Variants in CFAP92 observed in about 807,000 individuals in gnomAD.
The protein encoded by CFAP92 is cilia and flagella associated protein 92 (putative).
CFAP92 carries 86 observed loss-of-function variants against 106.3 expected under a neutral mutation model. The observed-to-expected ratio is 0.81, with a 90% CI of 0.68 to 0.97. CFAP92 has a LOEUF of 0.97. Ranked by LOEUF, CFAP92 falls within the 50% of genes least tolerant of loss-of-function variation. The pLI, the probability that CFAP92 is intolerant of heterozygous loss-of-function variation, is 0.00. For synonymous variants in CFAP92, 477 were observed against 506.4 expected (o/e 0.94, Z 0.78); for missense variants, 1,204 against 1,283.8 (o/e 0.94, Z 0.95).
chr3:128,958,546 A>T (rs1475560720), intron 9 of CFAP92, among the ~76,000 whole-genome samples: 1 of 152,218 alleles, frequency 6.6e-6, no homozygotes, highest in Non-Finnish European at 1.5e-5. Context: ...CCGTGAATCT[A>T]TATTTTAAAG....
intron 13 of CFAP92, 98 bp from the exon 14 acceptor site, chr3:128,915,661 G>T (rs1936753767): frequency 1.3e-6 from 1 of 775,468 alleles, no homozygotes; most frequent in Non-Finnish European, 2.0e-6. Flanking sequence ...CATAATCATA[G>T]TTCCTGACAA....
the CFAP92 span, among the ~76,000 whole-genome samples, chr3:129,015,874 T>C: frequency 6.6e-6 from 1 of 151,726 alleles, no homozygotes; most frequent in Non-Finnish European, 1.5e-5. Flanking sequence ...GGAAACGCCA[T>C]GCAGCAAAGG....
intron 9 of CFAP92, among the ~76,000 whole-genome samples, chr3:128,953,082 A>C (rs568493397): frequency 6.6e-6 from 1 of 152,272 alleles, no homozygotes; most frequent in African/African-American, 2.4e-5. Flanking sequence ...CTCAAAAAGC[A>C]AAACAAAACA....
At chr3:128,947,931 G>T (rs1940393017) in intron 9 of CFAP92, among the ~76,000 whole-genome samples, 1 of 151,976 alleles carries the variant, frequency 6.6e-6, no homozygotes, top group Non-Finnish European at 1.5e-5. Context: ...TCTGACCAGG[G>T]GTTAGGCAAA....
chr3:129,016,426 T>C, the CFAP92 span, among the ~76,000 whole-genome samples: 1 of 152,010 alleles, frequency 6.6e-6, no homozygotes, highest in African/African-American at 2.4e-5. Context: ...GGCTGTGTGA[T>C]TGTGGGGGCT....
the CFAP92 span, among the ~76,000 whole-genome samples, chr3:129,025,654 G>A: frequency 3.9e-5 from 6 of 152,172 alleles, no homozygotes; most frequent in African/African-American, 1.4e-4. Context: ...GCATGTGAGT[G>A]TGATGAGGGG....
intron 4 of CFAP92, among the ~76,000 whole-genome samples, chr3:128,981,878 G>A (rs1407461494): frequency 6.6e-6 from 1 of 152,158 alleles, no homozygotes; most frequent in Non-Finnish European, 1.5e-5. Flanking sequence ...TTTTCTAAGC[G>A]GTAGGTGTCA....
intron 9 of CFAP92, among the ~76,000 whole-genome samples, chr3:128,949,999 T>A (rs1337742815): frequency 6.6e-6 from 1 of 152,204 alleles, no homozygotes; most frequent in Non-Finnish European, 1.5e-5. Context: ...GATCTATACA[T>A]AATTTTAAAT....
Position 128,978,125 on chromosome 3 carries a change from T to C in CFAP92, c.728A>G (p.Asn243Ser), listed in dbSNP as rs756241677. ...KLSEQGIENT[N>S]IVREESNQEH... ...CTGGTTCGACTCTTCTCTGACAATGTTGGTATTCTCAATGCCCTGTTCAGA... is the reference window on the plus strand; with the variant it reads ...CTGGTTCGACTCTTCTCTGACAATGCTGGTATTCTCAATGCCCTGTTCAGA... Residue 243 changes from asparagine to serine, a missense_variant, in exon 5 of 16, where the codon AAC (asparagine) becomes AGC (serine). Transcript: ENST00000645291. 6.8e-6 allele frequency: 11 copies of C among 1,613,874 alleles called. No homozygotes were observed. Among genetic ancestry groups the C allele is most frequent in the East Asian group, 6.7e-5 (3 of 44,900 alleles).
chr3:129,008,684 C>T, the CFAP92 span, among the ~76,000 whole-genome samples: 1 of 152,224 alleles, frequency 6.6e-6, no homozygotes, highest in Non-Finnish European at 1.5e-5. Flanking sequence ...CACAAAGGAG[C>T]TCCTGCTGCT....
intron 7 of CFAP92, among the ~76,000 whole-genome samples, chr3:128,972,578 G>A (rs1203912330): frequency 6.6e-6 from 1 of 151,130 alleles, no homozygotes; most frequent in Admixed American, 6.6e-5. Context: ...TGTTTCGCCC[G>A]AGTGTGGTAA....
chr3:128,985,500 G>T (rs1943795484), intron 4 of CFAP92, among the ~76,000 whole-genome samples: 1 of 152,114 alleles, frequency 6.6e-6, no homozygotes, highest in Non-Finnish European at 1.5e-5. Context: ...GGAGGCCCTA[G>T]AACACCTTTT....
rs1349503661 is a variant in CFAP92 at position 128,988,721 on chromosome 3, C to T, written c.453+7G>A. On this transcript the variant is annotated splice_region_variant and intron_variant, in intron 3 of 15. Transcript: ENST00000645291. ...ATACACAAGGCCACACACACTCACA[C>T]ACGCACCTTTACTCCTGACTCCAGG... The T allele has an allele frequency of 2.5e-6, 4 of 1,613,686 alleles. No individual in the cohort carries two copies. In the South Asian group the frequency reaches 3.3e-5, roughly 13 times the overall value.
chr3:128,978,444 G>A (rs1943305231), intron 4 of CFAP92: 2 of 290,876 alleles, frequency 6.9e-6, no homozygotes, highest in Non-Finnish European at 1.3e-5. Flanking sequence ...ATACCTTATT[G>A]GGGCCAGATA....
At chr3:128,937,889 C>G (rs938666388) in intron 10 of CFAP92, among the ~76,000 whole-genome samples, 1 of 152,116 alleles carries the variant, frequency 6.6e-6, no homozygotes, top group East Asian at 1.9e-4. Flanking sequence ...ATGGCAAAAC[C>G]CTGTCTCTAC....
the CFAP92 span, among the ~76,000 whole-genome samples, chr3:129,016,776 T>C: frequency 1.8e-4 from 28 of 152,250 alleles, no homozygotes; most frequent in African/African-American, 6.7e-4. Flanking sequence ...CTAACATTTT[T>C]GAGCACTCAC....
Position 128,965,702 on chromosome 3 carries a change from G to A in CFAP92, c.1169-7C>T, listed in dbSNP as rs1264233104. 1 of 398,502 alleles carries A rather than the reference G, an allele frequency of 2.5e-6. No individual in the cohort carries two copies. The highest frequency in any genetic ancestry group is 4.4e-6 in the Non-Finnish European group (1 of 225,998). 24.7% of individuals were successfully genotyped at this position (398,502 alleles called of 1,614,324 possible). A position where few individuals can be genotyped will look rare whatever the true frequency, so the allele number is the denominator to read the frequency against. On this transcript the variant is annotated splice_polypyrimidine_tract_variant and splice_region_variant and intron_variant, in intron 8 of 15. Coordinates refer to ENST00000645291, the MANE Select transcript of CFAP92 (RefSeq NM_001394090.1). ...CTCACGACAGTTTGCCATCCTGGGG[G>A]AAATACACCCAGCATTAGACCTTTC...
intron 9 of CFAP92, among the ~76,000 whole-genome samples, chr3:128,953,632 T>TCTCC (rs1941069840): frequency 1.2e-5 from 1 of 83,326 alleles, no homozygotes; most frequent in African/African-American, 5.2e-5. Flanking sequence ...TCCCTCTCCG[T>TCTCC]CTCCCTCTCC....
At chr3:128,951,149 TG>T (rs111947006) in intron 9 of CFAP92, among the ~76,000 whole-genome samples, 27 of 151,936 alleles carry the variant, frequency 1.8e-4, no homozygotes, top group African/African-American at 6.5e-4. Flanking sequence ...GCAGGAGAAT[TG>T]CTTGAATCTG....
Sources: allele counts gnomAD v4.1 joint callset (sites outside exome capture counted in the v4.1 genomes callset), GRCh38; gene constraint gnomAD v4.1.1; transcripts MANE v1.5; gene names NCBI Gene and HGNC (gene_info 2026-07-23, HGNC 2026-07-21).